The following ANKRD13B variants were observed in gnomAD, a reference collection of about 807,000 sequenced individuals.
ANKRD13B encodes ankyrin repeat domain 13B.
In ANKRD13B, 33 loss-of-function variants were observed where a neutral mutation model predicts 74.4. The ratio of observed to expected loss-of-function variants is 0.44; its 90% CI spans 0.34 to 0.59. The LOEUF is 0.59. ANKRD13B is among the 20% of genes least tolerant of loss of function. The pLI, the probability that ANKRD13B is intolerant of heterozygous loss-of-function variation, is 0.02. For synonymous variants in ANKRD13B, 341 were observed against 362.9 expected, an observed-to-expected ratio of 0.94 and a Z score of 0.68; for missense variants, 676 against 877.9, an observed-to-expected ratio of 0.77 and a Z score of 2.91.
intron 7 of ANKRD13B, among the ~76,000 whole-genome samples, chr17:29,610,228 G>A (rs1450349798): frequency 6.6e-6 from 1 of 150,454 alleles, no homozygotes; most frequent in Non-Finnish European, 1.5e-5. Flanking sequence ...CTGTTACTCT[G>A]GGACCCCTAT....
rs2034682627 is a variant in ANKRD13B, at chr17:29,613,440, G to C, written c.1739G>C (p.Gly580Ala). 6.5e-7 allele frequency: 1 copy of C among 1,531,202 alleles called. No homozygotes were observed. Among genetic ancestry groups the C allele is most frequent in the African/African-American group, 1.4e-5 (1 of 70,702 alleles). The allele number at this position is 1,531,202 out of a possible 1,614,324, so 94.9% of individuals were successfully genotyped here. ...CCCAGCTCAGGGCCAGGTTCCGGCG[G>C]CCACGTGTTCCGGAGCTACGACGAG... ...PRPSSGPGSG[G>A]HVFRSYDEQL... The change falls in exon 15 of 15, where the codon GGC becomes GCC. Residue 580 changes from glycine to alanine, a missense_variant. Transcript: ENST00000394859.
At chr17:29,594,942 C>T (rs1186160909) in intron 1 of ANKRD13B, among the ~76,000 whole-genome samples, 1 of 152,210 alleles carries the variant, frequency 6.6e-6, no homozygotes, top group African/African-American at 2.4e-5. Flanking sequence ...GAGCCAGCCC[C>T]CAGGCCTGCA....
At chr17:29,604,530 T>C (rs1390911687) in intron 1 of ANKRD13B, among the ~76,000 whole-genome samples, 1 of 148,952 alleles carries the variant, frequency 6.7e-6, no homozygotes, top group Admixed American at 6.7e-5. Flanking sequence ...TTTTTCTTTT[T>C]CTTTTTCTTT....
rs1377302737 is a variant in ANKRD13B, at chr17:29,611,965, T to C, written c.1059T>C (p.Arg353=). Residue 353 remains arginine, a synonymous_variant, in exon 10 of 15, where the codon CGT becomes CGC. Coordinates refer to ENST00000394859, the MANE Select transcript of ANKRD13B (RefSeq NM_152345.5). The surrounding 1 kb of genome is among the most constrained non-coding windows in gnomAD (Gnocchi z 4.3). ...YFNPNFELGN[R]DMGRPMELTT... is the part of the protein sequence containing the mutation. ...ACCCCAACTTTGAGCTGGGCAACCG[T>C]GATATGGGCCGCCCCATGGAACTGA... The C allele has an allele frequency of 1.9e-6, 3 of 1,613,832 alleles. No individual in the cohort carries two copies. Among genetic ancestry groups the C allele is most frequent in the Non-Finnish European group, 2.5e-6 (3 of 1,179,970 alleles).
Position 29,612,702 on chromosome 17 carries a change from G to A in ANKRD13B, c.1462G>A (p.Gly488Ser), listed in dbSNP as rs1356835038. ...ISPALFEAPR[G>S]YSMMGGQREA... is the part of the protein sequence containing the mutation. Reference sequence around the variant, plus strand: ...CCCAGCGTTGTTCGAGGCCCCGCGCGGCTACAGCATGATGGGCGGCCAGCG... The same window carrying A: ...CCCAGCGTTGTTCGAGGCCCCGCGCAGCTACAGCATGATGGGCGGCCAGCG... The change falls in exon 13 of 15, where the codon GGC becomes AGC. Residue 488 changes from glycine (G) to serine (S), a missense_variant. Around this residue, in one of 4 missense-constraint regions of ANKRD13B, gnomAD observed 152 missense variants for 181.4 expected, o/e 0.84. Coordinates refer to ENST00000394859, the MANE Select transcript of ANKRD13B (RefSeq NM_152345.5). This position sits in a 1 kb window ranked among gnomAD's most constrained non-coding sequence, Gnocchi z 6.1. 1.3e-6 allele frequency: 2 copies of A among 1,596,782 alleles called. No individual in the cohort carries two copies. The highest frequency in any genetic ancestry group is 1.3e-5 in the African/African-American group (1 of 74,748).
rs2034581554 is a variant in ANKRD13B at position 29,611,582 on chromosome 17, G to A, written c.908G>A (p.Cys303Tyr). 2 of 1,614,208 alleles carry A rather than the reference G, an allele frequency of 1.2e-6. No homozygotes were observed. Among genetic ancestry groups the A allele is most frequent in the African/African-American group, 1.3e-5 (1 of 75,074 alleles). ...TGAGATGCCACATTTCTTGTAGGCT[G>A]TAAGACACCTTTGCAGTCCTTCCTG... is the stretch of plus-strand genomic sequence containing the variant. Reference protein sequence around the residue: ...SEQHKGKVKGCKTPLQSFLGI... With the variant: ...SEQHKGKVKGYKTPLQSFLGI... The change falls in exon 9 of 15, where the codon TGT (cysteine) becomes TAT (tyrosine). Residue 303 changes from cysteine to tyrosine, a missense_variant. By Grantham distance (194) the Cys-to-Tyr change is radical. Around this residue, in one of 4 missense-constraint regions of ANKRD13B, gnomAD observed 328 missense variants for 518.4 expected, o/e 0.63. Coordinates refer to ENST00000394859, the MANE Select transcript of ANKRD13B (RefSeq NM_152345.5). The surrounding 1 kb of genome is among the most constrained non-coding windows in gnomAD (Gnocchi z 4.3).
chr17:29,602,744 G>T (rs561988207), intron 1 of ANKRD13B, among the ~76,000 whole-genome samples: 40 of 152,280 alleles, frequency 2.6e-4, no homozygotes, highest in Admixed American at 2.1e-3. Context: ...AGGCTGTGAG[G>T]GTCAGAATGT....
chr17:29,607,059 AAC>A (rs1477430135), intron 1 of ANKRD13B, among the ~76,000 whole-genome samples: 2 of 151,662 alleles, frequency 1.3e-5, no homozygotes, highest in African/African-American at 2.4e-5. Context: ...CCCCAAAAAA[AAC>A]ACAAAAAAAA....
intron 1 of ANKRD13B, among the ~76,000 whole-genome samples, chr17:29,601,751 A>G (rs1453262206): frequency 6.6e-6 from 1 of 151,890 alleles, no homozygotes; most frequent in Non-Finnish European, 1.5e-5. Flanking sequence ...AATACCAGTC[A>G]TACTGGATTA....
In ANKRD13B at chr17:29,612,042, C is replaced by G. The variant is rs181293455; in HGVS notation, c.1100+36C>G. Reference sequence around the variant, plus strand: ...TGCCGGTGCTGGGAAGGTGGGGGGCCGGGGCTCCAGGAGATGCTGGGAGGC... The same window carrying G: ...TGCCGGTGCTGGGAAGGTGGGGGGCGGGGGCTCCAGGAGATGCTGGGAGGC... On this transcript the variant is annotated intron_variant, in intron 10 of 14. Transcript: ENST00000394859. This position sits in a 1 kb window ranked among gnomAD's most constrained non-coding sequence, Gnocchi z 6.1. The G allele has an allele frequency of 1.2e-6, 2 of 1,608,522 alleles. No individual in the cohort carries two copies. Among genetic ancestry groups the G allele is most frequent in the Non-Finnish European group, 1.7e-6 (2 of 1,176,618 alleles).
rs191295983 is a variant in ANKRD13B, at chr17:29,599,194, C to T, written c.114+5459C>T. Among the ~76,000 whole-genome samples the T allele has an allele frequency of 5.6e-3, 847 of 152,216 alleles. 5 individuals carry two copies. The highest frequency in any genetic ancestry group is 0.019 in the African/African-American group (789 of 41,532). The stretch of plus-strand genomic sequence containing the variant: ...GGGCTCTCTGGAGGATCCTGGAGAA[C>T]GTTCCGGGGAAGGCCATTGGCGAAG... On this transcript the variant is annotated intron_variant, in intron 1 of 14. Coordinates refer to ENST00000394859, the MANE Select transcript of ANKRD13B (RefSeq NM_152345.5).
At chr17:29,596,804 C>T (rs2033970599) in intron 1 of ANKRD13B, among the ~76,000 whole-genome samples, 1 of 152,222 alleles carries the variant, frequency 6.6e-6, no homozygotes, top group African/African-American at 2.4e-5. Flanking sequence ...GGCATCACCA[C>T]AGCTGGTAAG....
Position 29,614,595 on chromosome 17 carries a change from G to C in ANKRD13B, c.*1013G>C, listed in dbSNP as rs1272905176. The C allele has an allele frequency of 6.6e-6, 1 of 152,180 alleles. No individual in the cohort carries two copies. The highest frequency in any genetic ancestry group is 6.6e-5 in the Admixed American group (1 of 15,266). 9.4% of individuals were successfully genotyped at this position (152,180 alleles called of 1,614,324 possible). The stretch of plus-strand genomic sequence containing the variant: ...GGGGCCCACCGCACACCCTTGTCCC[G>C]GGCCTGTCTGGGACTGGCCTTCCCG... On this transcript the variant is annotated 3_prime_UTR_variant, in exon 15 of 15. Coordinates refer to ENST00000394859, the MANE Select transcript of ANKRD13B (RefSeq NM_152345.5).
At chr17:29,601,604 C>G (rs35184780) in intron 1 of ANKRD13B, among the ~76,000 whole-genome samples, 57,024 of 152,004 alleles carry the variant, frequency 0.38, 11,206 homozygotes, top group Non-Finnish European at 0.43. Context: ...GGATCATTTT[C>G]TTTCCACCTG....
Position 29,613,535 on chromosome 17 carries a change from G to A in ANKRD13B, c.1834G>A (p.Glu612Lys). ...EERRRRARQE[E>K]EELERILRLS... ...GAGGCGGCGGCGCGCGCGCCAGGAG[G>A]AGGAGGAGCTGGAGCGCATCCTGAG... is the stretch of plus-strand genomic sequence containing the variant. Residue 612 changes from glutamate to lysine, a missense_variant, in exon 15 of 15, where the codon GAG becomes AAG. Coordinates refer to ENST00000394859, the MANE Select transcript of ANKRD13B (RefSeq NM_152345.5). The A allele has an allele frequency of 2.0e-6, 3 of 1,524,416 alleles. No individual in the cohort carries two copies. Among genetic ancestry groups the A allele is most frequent in the Non-Finnish European group, 2.6e-6 (3 of 1,138,404 alleles). The allele number at this position is 1,524,416 out of a possible 1,614,324, so 94.4% of individuals were successfully genotyped here. A position where few individuals can be genotyped will look rare whatever the true frequency, so the allele number is the denominator to read the frequency against.
chr17:29,609,620 C>G lies in ANKRD13B; in HGVS notation c.822+199C>G, dbSNP rs2034510212. On this transcript the variant is annotated intron_variant, in intron 7 of 14. Coordinates refer to ENST00000394859, the MANE Select transcript of ANKRD13B (RefSeq NM_152345.5). The surrounding 1 kb of genome is among the most constrained non-coding windows in gnomAD (Gnocchi z 4.0). ...TGTATACACAGGGCACGTGCACACG[C>G]ACACACACACACACATTTATTCCTC... 6.6e-6 allele frequency among the ~76,000 whole-genome samples: 1 copy of G among 151,620 alleles called. No homozygotes were observed. The highest frequency in any genetic ancestry group is 1.5e-5 in the Non-Finnish European group (1 of 67,818).
Position 29,613,815 on chromosome 17 carries a change from G to A in ANKRD13B, c.*233G>A, listed in dbSNP as rs2034702608. On this transcript the variant is annotated 3_prime_UTR_variant, in exon 15 of 15. Transcript: ENST00000394859. Reference sequence around the variant, plus strand: ...CACGGCCTGGTCCCCCTGCTTTGCTGTATTCTGATTCCCCAACCCGCTCCC... The same window carrying A: ...CACGGCCTGGTCCCCCTGCTTTGCTATATTCTGATTCCCCAACCCGCTCCC... 1.6e-6 allele frequency: 1 copy of A among 617,076 alleles called. No homozygotes were observed. The highest frequency in any genetic ancestry group is 2.6e-6 in the Non-Finnish European group (1 of 391,134). The allele number at this position is 617,076 out of a possible 1,614,324, so 38.2% of individuals were successfully genotyped here.
rs779688720 is a variant in ANKRD13B at position 29,593,643 on chromosome 17, G to A, written c.22G>A (p.Ala8Thr). The A allele has an allele frequency of 2.1e-6, 3 of 1,397,620 alleles. No individual in the cohort carries two copies. The highest frequency in any genetic ancestry group is 2.6e-5 in the Admixed American group (1 of 38,350). The allele number at this position is 1,397,620 out of a possible 1,614,324, so 86.6% of individuals were successfully genotyped here. Residue 8 changes from alanine to threonine, a missense_variant, in exon 1 of 15, where the codon GCC becomes ACC. Ala to Thr is a moderately conservative substitution (Grantham distance 58). Transcript: ENST00000394859. Reference protein sequence around the residue: MIPANASARKGPEGKYPL... With the variant: MIPANASTRKGPEGKYPL... Reference sequence around the variant, plus strand: ...GGCGATGATCCCCGCCAACGCCTCCGCCAGGAAGGGGCCCGAGGGCAAGTA... The same window carrying A: ...GGCGATGATCCCCGCCAACGCCTCCACCAGGAAGGGGCCCGAGGGCAAGTA...
rs2034604051 is a variant in ANKRD13B at position 29,612,252 on chromosome 17, C to G, written c.1237C>G (p.Pro413Ala). The G allele has an allele frequency of 1.2e-6, 2 of 1,613,980 alleles. No individual in the cohort carries two copies. The highest frequency in any genetic ancestry group is 1.7e-6 in the Non-Finnish European group (2 of 1,180,028). ...LRDFITLRLP[P>A]GFPVKIEIPI... The stretch of plus-strand genomic sequence containing the variant: ...GGACTTCATCACCCTGCGTCTGCCT[C>G]CTGGCTTCCCAGTTAAGATTGGTGA... Residue 413 changes from proline to alanine, a missense_variant, in exon 11 of 15, where the codon CCT becomes GCT. By Grantham distance (27) the Pro-to-Ala change is conservative. Transcript: ENST00000394859. The surrounding 1 kb of genome is among the most constrained non-coding windows in gnomAD (Gnocchi z 6.1).
Sources: gnomAD v4.1 joint callset for allele counts (sites outside exome capture counted in the v4.1 genomes callset) on GRCh38, gnomAD v4.1.1 for gene constraint, gnomAD v4.1.1 regional missense constraint, Gnocchi (gnomAD v3.1) non-coding constraint, MANE v1.5 for transcripts, NCBI Gene and HGNC (gene_info 2026-07-23, HGNC 2026-07-21) for gene names.